Variants in UTS2 observed in about 807,000 individuals in gnomAD.
UTS2 encodes urotensin-2.
Under a neutral mutation model 12.6 loss-of-function variants are expected in UTS2, and 10 were observed. The observed-to-expected ratio is 0.80, with a 90% CI of 0.49 to 1.35. UTS2 has a LOEUF of 1.35. UTS2 is among the 40% of genes most tolerant of loss of function. The pLI is 0.00. For missense variants in UTS2, 142 were observed against 143.2 expected (o/e 0.99, Z 0.04); for synonymous variants, 52 against 50.0 (o/e 1.04, Z -0.17).
chr1:7,889,973 A>G, the UTS2 span, among the ~76,000 whole-genome samples: 1 of 152,002 alleles, frequency 6.6e-6, no homozygotes, highest in Non-Finnish European at 1.5e-5. Flanking sequence ...AGGCTGAGGA[A>G]GGAGAATGGC....
At chr1:7,906,499 G>GA in the UTS2 span, among the ~76,000 whole-genome samples, 2 of 129,564 alleles carry the variant, frequency 1.5e-5, no homozygotes, top group Non-Finnish European at 3.3e-5. Context: ...AAGAAAGAAA[G>GA]AAAGAAAGAA....
At chr1:7,912,085 T>C in the UTS2 span, among the ~76,000 whole-genome samples, 1 of 152,218 alleles carries the variant, frequency 6.6e-6, no homozygotes, top group Non-Finnish European at 1.5e-5. Context: ...CAGGCTCATC[T>C]CTTTCTCACT....
At chr1:7,856,623 C>G (rs530624939), upstream of UTS2, among the ~76,000 whole-genome samples, 17 of 37,478 alleles carry the variant, frequency 4.5e-4, no homozygotes, top group African/African-American at 1.9e-3. Flanking sequence ...GGCGAGTGCT[C>G]GCACACTGTC....
At chr1:7,890,844 C>CAAAA in the UTS2 span, among the ~76,000 whole-genome samples, 2 of 112,238 alleles carry the variant, frequency 1.8e-5, no homozygotes, top group African/African-American at 3.1e-5. Flanking sequence ...AAGACTGTCT[C>CAAAA]AAAAAAAAAA....
At chr1:7,873,327 A>C in the UTS2 span, among the ~76,000 whole-genome samples, 2 of 152,362 alleles carry the variant, frequency 1.3e-5, no homozygotes, top group East Asian at 3.9e-4. Flanking sequence ...AATGTATTTC[A>C]TGAGGCTTTA....
chr1:7,905,360 G>A, the UTS2 span, among the ~76,000 whole-genome samples: 1 of 151,794 alleles, frequency 6.6e-6, no homozygotes, highest in African/African-American at 2.4e-5. Context: ...GGTCAGGCTG[G>A]TCTTGAACTC....
At chr1:7,850,452 A>T (rs983709933) in intron 2 of UTS2, among the ~76,000 whole-genome samples, 1 of 152,178 alleles carries the variant, frequency 6.6e-6, no homozygotes, top group Non-Finnish European at 1.5e-5. Flanking sequence ...ATCATTCCTG[A>T]TTACAGATTA....
the UTS2 span, among the ~76,000 whole-genome samples, chr1:7,907,482 C>CA: frequency 6.6e-6 from 1 of 151,290 alleles, no homozygotes; most frequent in Admixed American, 6.6e-5. Flanking sequence ...TTCATCTTTA[C>CA]AAAAAAATTT....
chr1:7,895,277 G>T, the UTS2 span, among the ~76,000 whole-genome samples: 489 of 152,174 alleles, frequency 3.2e-3, 3 homozygotes, highest in Admixed American at 5.2e-3. Flanking sequence ...GCTGAGGCAG[G>T]AGAATCCCTT....
the UTS2 span, among the ~76,000 whole-genome samples, chr1:7,859,419 C>T: frequency 6.6e-6 from 1 of 152,192 alleles, no homozygotes; most frequent in African/African-American, 2.4e-5. Flanking sequence ...CTGGTCCCCT[C>T]AAGAGATAGT....
In UTS2 at chr1:7,849,660, G is replaced by A; in HGVS notation, c.238C>T (p.Pro80Ser). The A allele has an allele frequency of 6.2e-7, 1 of 1,609,944 alleles. No homozygotes were observed. The highest frequency in any genetic ancestry group is 8.5e-7 in the Non-Finnish European group (1 of 1,179,146). The change falls in exon 3 of 4, where the codon CCA becomes TCA. Residue 80 changes from proline to serine, a missense_variant. By Grantham distance (74) the Pro-to-Ser change is moderately conservative. Transcript: ENST00000361696. ...CTTACCTTTCTCAAATTTCCTCTTGGGTTAAAAATGTTGGTACTTGAGTCT... is the reference window on the plus strand; with the variant it reads ...CTTACCTTTCTCAAATTTCCTCTTGAGTTAAAAATGTTGGTACTTGAGTCT... Reference protein sequence around the residue: ...KADSSTNIFNPRGNLRKFQDF... With the variant: ...KADSSTNIFNSRGNLRKFQDF...
At chr1:7,903,549 C>T in the UTS2 span, among the ~76,000 whole-genome samples, 65 of 152,026 alleles carry the variant, frequency 4.3e-4, 1 homozygote, top group East Asian at 9.9e-3. Flanking sequence ...GCCACCATCC[C>T]TGGCTAATTT....
the UTS2 span, among the ~76,000 whole-genome samples, chr1:7,869,352 G>C: frequency 6.6e-6 from 1 of 152,232 alleles, no homozygotes; most frequent in Non-Finnish European, 1.5e-5. Flanking sequence ...TACCGCCACT[G>C]TGGAGGTGCC....
the UTS2 span, among the ~76,000 whole-genome samples, chr1:7,911,146 G>A: frequency 3.3e-5 from 5 of 152,182 alleles, no homozygotes; most frequent in East Asian, 7.8e-4. Flanking sequence ...GGTGCACAGC[G>A]GGTGTCCCCC....
At chr1:7,896,702 C>CTTTTT in the UTS2 span, among the ~76,000 whole-genome samples, 1 of 147,232 alleles carries the variant, frequency 6.8e-6, no homozygotes, top group Non-Finnish European at 1.5e-5. Context: ...GAAAAAGAAG[C>CTTTTT]TTTTTTTTTT....
intron 3 of UTS2, among the ~76,000 whole-genome samples, chr1:7,848,268 T>C (rs1359710227): frequency 2.6e-5 from 4 of 151,930 alleles, no homozygotes; most frequent in Non-Finnish European, 5.9e-5. Flanking sequence ...GGCAACATGA[T>C]GAAACCTCGT....
chr1:7,909,796 T>C, the UTS2 span, among the ~76,000 whole-genome samples: 1 of 151,746 alleles, frequency 6.6e-6, no homozygotes, highest in East Asian at 2.0e-4. Flanking sequence ...AATTTTTGTA[T>C]TTTTTGGTAG....
chr1:7,884,428 A>C, the UTS2 span, among the ~76,000 whole-genome samples: 1 of 151,484 alleles, frequency 6.6e-6, no homozygotes, highest in African/African-American at 2.4e-5. Flanking sequence ...CAGCCTCCTG[A>C]GTAGCTGGGA....
the UTS2 span, among the ~76,000 whole-genome samples, chr1:7,864,911 G>A: frequency 4.3e-5 from 5 of 115,926 alleles, no homozygotes; most frequent in South Asian, 3.9e-4. Context: ...CTCCCACAGC[G>A]GTCCCTCTGT....
Sources: allele counts gnomAD v4.1 joint callset (sites outside exome capture counted in the v4.1 genomes callset), GRCh38; gene constraint gnomAD v4.1.1; transcripts MANE v1.5; gene names NCBI Gene and HGNC (gene_info 2026-07-23, HGNC 2026-07-21).